The following TTC21A variants were observed in gnomAD, a reference collection of about 807,000 sequenced individuals.
TTC21A encodes tetratricopeptide repeat domain 21A, also known as tetratricopeptide repeat protein 21A.
A neutral mutation model predicts 156.4 loss-of-function variants in TTC21A; 128 were observed. The ratio of observed to expected loss-of-function variants is 0.82; its 90% CI spans 0.71 to 0.95. The LOEUF is 0.95. TTC21A is among the 40% of genes least tolerant of loss of function. TTC21A has a pLI of 0.00. For missense variants in TTC21A, 1,435 were observed against 1,602.3 expected (o/e 0.90, Z 1.78); for synonymous variants, 587 against 617.1 (o/e 0.95, Z 0.72).
At chr3:39,111,178 T>G (rs896350738) in intron 4 of TTC21A, among the ~76,000 whole-genome samples, 161 bp downstream of exon 4, 1 of 152,220 alleles carries the variant, frequency 6.6e-6, no homozygotes, top group African/African-American at 2.4e-5. Context: ...GCGTGTTGTC[T>G]CTGGGCTTAG....
chr3:39,118,286 C>T, intron 7 of TTC21A, 133 bp downstream of exon 7: 1 of 829,216 alleles, frequency 1.2e-6, no homozygotes, highest in East Asian at 2.5e-5. Flanking sequence ...TACCCCACCC[C>T]TATACTCGCT....
chr3:39,121,254 G>A (rs2037744834), intron 9 of TTC21A, 65 bp downstream of exon 9: 1 of 1,432,214 alleles, frequency 7.0e-7, no homozygotes, highest in Admixed American at 2.0e-5. Flanking sequence ...GCTTCCATGG[G>A]TCCAGAAGAG....
chr3:39,125,248 G>A (rs1023987601), intron 10 of TTC21A, 84 bp from the exon 11 acceptor site: 63 of 1,541,634 alleles, frequency 4.1e-5, no homozygotes, highest in Non-Finnish European at 5.4e-5. Context: ...AGCATGCAAG[G>A]TGGTCTGGAC....
chr3:39,130,175 T>G lies in TTC21A; in HGVS notation c.2208+24T>G, dbSNP rs1464196902. ...AGGTAAGTGAGAGGCCTCACAGCCT[T>G]GCCAAGTGGCCCCCCAGTCTCCCTT... On this transcript the variant is annotated intron_variant, in intron 16 of 28. Transcript: ENST00000683103. This position sits in a 1 kb window ranked among gnomAD's most constrained non-coding sequence, Gnocchi z 4.5. The G allele has an allele frequency of 5.6e-6, 9 of 1,613,080 alleles. No homozygotes were observed. Among genetic ancestry groups the G allele is most frequent in the Non-Finnish European group, 7.6e-6 (9 of 1,179,570 alleles).
In TTC21A at chr3:39,114,605, G is replaced by C. The variant is rs775154180; in HGVS notation, c.579G>C (p.Gln193His). 6.2e-7 allele frequency: 1 copy of C among 1,614,174 alleles called. No individual in the cohort carries two copies. Among genetic ancestry groups the C allele is most frequent in the African/African-American group, 1.3e-5 (1 of 75,044 alleles). The change falls in exon 6 of 29, where the codon CAG becomes CAC. Residue 193 changes from glutamine (Q) to histidine (H), a missense_variant. By Grantham distance (24) the Gln-to-His change is conservative. Coordinates refer to ENST00000683103, the MANE Select transcript of TTC21A (RefSeq NM_001366900.1). ...AACAGGCAATGTACTTCATGATGCA[G>C]CAGAACTACTCAGAGGCCCTGGAGG... is the stretch of plus-strand genomic sequence containing the variant. ...LMGKAMYFMM[Q>H]QNYSEALEVV... is the part of the protein sequence containing the mutation.
intron 6 of TTC21A, among the ~76,000 whole-genome samples, chr3:39,115,045 G>A (rs2037161452): frequency 1.3e-5 from 2 of 152,196 alleles, no homozygotes; most frequent in Non-Finnish European, 2.9e-5. Context: ...AAGAGTTACA[G>A]GGTAGAAAGC....
rs766072904 is a variant in TTC21A at position 39,121,133 on chromosome 3, T to C, written c.1037T>C (p.Leu346Ser). ...CTGAAGAACCAAGTGAAAGAGGCCT[T>C]GCTGTGGTATTCAGAAGCCATGAAA... ...FILKNQVKEA[L>S]LWYSEAMKLD... The change falls in exon 9 of 29, where the codon TTG becomes TCG. Residue 346 changes from leucine (L) to serine (S), a missense_variant. Transcript: ENST00000683103. 18 of 1,614,140 alleles carry C rather than the reference T, an allele frequency of 1.1e-5. No homozygotes were observed. The African/African-American group carries it at 1.6e-4, about 14-fold the overall frequency.
chr3:39,128,281 T>A (rs944684710), intron 12 of TTC21A, 50 bp from the exon 13 acceptor site: 1 of 1,594,238 alleles, frequency 6.3e-7, no homozygotes, highest in East Asian at 2.2e-5. Context: ...ATATCAGGTC[T>A]TAGGAGCCCT....
At chr3:39,136,015 G>A (rs1014162149) in intron 22 of TTC21A, among the ~76,000 whole-genome samples, 11 of 149,622 alleles carry the variant, frequency 7.4e-5, no homozygotes, top group South Asian at 2.1e-4. Flanking sequence ...CCGAGATCAC[G>A]CCACTGCACT....
chr3:39,128,696 A>C (rs2038469926), intron 13 of TTC21A, 21 bp from the exon 14 acceptor site: 1 of 1,610,140 alleles, frequency 6.2e-7, no homozygotes, highest in Non-Finnish European at 8.5e-7. Flanking sequence ...GGAGCCCCAC[A>C]CTCTGCTGTG....
chr3:39,125,070 C>T lies in TTC21A; in HGVS notation c.1101C>T (p.Ile367=), dbSNP rs368757869. Residue 367 remains isoleucine, a synonymous_variant, in exon 10 of 29, where the codon ATC becomes ATT. Coordinates refer to ENST00000683103, the MANE Select transcript of TTC21A (RefSeq NM_001366900.1). ...KDGMAGLTGI[I]LCHILEGHLE... Reference sequence around the variant, plus strand: ...GTTTTGTCCCATTTACAGGGATCATCTTGTGTCATATCTTAGAAGGCCACC... The same window carrying T: ...GTTTTGTCCCATTTACAGGGATCATTTTGTGTCATATCTTAGAAGGCCACC... The T allele has an allele frequency of 9.0e-5, 145 of 1,611,096 alleles. No individual in the cohort carries two copies. The Middle Eastern group carries it at 9.9e-4, about 11-fold the overall frequency.
rs1328872758 is a variant in TTC21A, at chr3:39,133,215, TCTC to T, written c.2729_2731del (p.Ser910del). The T allele has an allele frequency of 2.5e-6, 4 of 1,613,622 alleles. No individual in the cohort carries two copies. The highest frequency in any genetic ancestry group is 1.7e-5 in the Admixed American group (1 of 59,894). On this transcript the variant is annotated inframe_deletion, in exon 20 of 29. Coordinates refer to ENST00000683103, the MANE Select transcript of TTC21A (RefSeq NM_001366900.1). ...GCGGTACAGTCTTATAAGGATGTCT[TCTC>T]CTACTTGCCAACTGACAATAAGGTG...
intron 12 of TTC21A, among the ~76,000 whole-genome samples, chr3:39,127,024 A>G (rs1199658073): frequency 2.0e-5 from 3 of 152,216 alleles, no homozygotes; most frequent in Admixed American, 6.5e-5. Context: ...GTATCCAGAA[A>G]GAACTTGTGG....
chr3:39,118,709 T>G (rs1027020288), intron 7 of TTC21A: 1 of 154,018 alleles, frequency 6.5e-6, no homozygotes, highest in Admixed American at 6.4e-5. Context: ...TCAAATGCAG[T>G]CAGAAACACC....
chr3:39,127,673 C>T (rs1395821541), intron 12 of TTC21A, among the ~76,000 whole-genome samples: 2 of 152,306 alleles, frequency 1.3e-5, no homozygotes, highest in African/African-American at 4.8e-5. Context: ...CACACCCAAC[C>T]CCTAGGCTGC....
In TTC21A at chr3:39,134,207, C is replaced by A. The variant is rs2038943451; in HGVS notation, c.2752-11C>A. The A allele has an allele frequency of 1.9e-6, 3 of 1,594,414 alleles. No homozygotes were observed. Among genetic ancestry groups the A allele is most frequent in the South Asian group, 2.2e-5 (2 of 90,662 alleles). On this transcript the variant is annotated splice_polypyrimidine_tract_variant and intron_variant, in intron 20 of 28. Transcript: ENST00000683103. This position sits in a 1 kb window ranked among gnomAD's most constrained non-coding sequence, Gnocchi z 4.6. Reference sequence around the variant, plus strand: ...TTACTAGTTAGTTTATTATATCCGGCCTTGTCCCAGGTGATGCTGGAGCTG... The same window carrying A: ...TTACTAGTTAGTTTATTATATCCGGACTTGTCCCAGGTGATGCTGGAGCTG...
intron 4 of TTC21A, among the ~76,000 whole-genome samples, chr3:39,111,979 C>T (rs2036869750): frequency 6.6e-6 from 1 of 152,174 alleles, no homozygotes; most frequent in Non-Finnish European, 1.5e-5. Context: ...ACGGCTCCTG[C>T]TCACCCACTC....
rs201685934 is a variant in TTC21A, at chr3:39,112,524, G to A, written c.502G>A (p.Glu168Lys). 1.8e-5 allele frequency: 29 copies of A among 1,614,234 alleles called. No individual in the cohort carries two copies. In the Admixed American group the frequency reaches 3.8e-4, roughly 21 times the overall value. Residue 168 changes from glutamate (E) to lysine (K), a missense_variant, in exon 5 of 29, where the codon GAG becomes AAG. By Grantham distance (56) the Glu-to-Lys change is moderately conservative (BLOSUM62 1). Coordinates refer to ENST00000683103, the MANE Select transcript of TTC21A (RefSeq NM_001366900.1). ...GCCCCACACTGCGAAGAAAGCCATT[G>A]AGTACCTGGAACAAGGAATTCAGGA... is the stretch of plus-strand genomic sequence containing the variant. ...DKPHTAKKAIEYLEQGIQDTK... is the reference protein window; with the variant it reads ...DKPHTAKKAIKYLEQGIQDTK...
At chr3:39,118,252 C>T (rs1176033184) in intron 7 of TTC21A, 99 bp downstream of exon 7, 3 of 1,189,302 alleles carry the variant, frequency 2.5e-6, no homozygotes, top group Non-Finnish European at 1.3e-6. Flanking sequence ...GTAGGGAGCT[C>T]CTGGATCTCA....
Sources: gnomAD v4.1 joint callset for allele counts (sites outside exome capture counted in the v4.1 genomes callset) on GRCh38, gnomAD v4.1.1 for gene constraint, Gnocchi (gnomAD v3.1) non-coding constraint, MANE v1.5 for transcripts, NCBI Gene and HGNC (gene_info 2026-07-23, HGNC 2026-07-21) for gene names.